The following RNF150 variants were observed in gnomAD, a reference collection of about 807,000 sequenced individuals.
RNF150 encodes the protein ring finger protein 150.
In RNF150, 24 loss-of-function variants were observed where a neutral mutation model predicts 39.3. The ratio of observed to expected loss-of-function variants is 0.61; its 90% CI spans 0.44 to 0.86. The LOEUF (loss-of-function observed/expected upper bound fraction) is 0.86. Ranked by LOEUF, RNF150 falls within the 40% of genes least tolerant of loss-of-function variation. RNF150 has a pLI of 0.00. For missense variants in RNF150, 502 were observed against 587.8 expected, an observed-to-expected ratio of 0.85 and a Z score of 1.51; for synonymous variants, 255 against 227.3, an observed-to-expected ratio of 1.12 and a Z score of -1.10.
chr4:141,134,067 TATAGA>T (rs1726981991), upstream of RNF150, among the ~76,000 whole-genome samples: 1 of 152,212 alleles, frequency 6.6e-6, no homozygotes. Context: ...TTCGTTTTCT[TATAGA>T]ATAGGTGTTT....
chr4:141,128,950 A>C (rs1726824775), intron 1 of RNF150, among the ~76,000 whole-genome samples: 1 of 152,236 alleles, frequency 6.6e-6, no homozygotes, highest in Non-Finnish European at 1.5e-5. Context: ...TTGAATGGGC[A>C]AAATAAAAAA....
chr4:141,132,302 C>A lies in RNF150; in HGVS notation c.484+23G>T. The A allele has an allele frequency of 6.4e-7, 1 of 1,558,482 alleles. No homozygotes were observed. Among genetic ancestry groups the A allele is most frequent in the Non-Finnish European group, 8.7e-7 (1 of 1,150,758 alleles). Reference sequence around the variant, plus strand: ...CCTCCGTCCCCGCCGGCTCCCCTCCCCCGCGCCCGCTGGGCCACTCACCCG... The same window carrying A: ...CCTCCGTCCCCGCCGGCTCCCCTCCACCGCGCCCGCTGGGCCACTCACCCG... On this transcript the variant is annotated intron_variant, in intron 1 of 6. Transcript: ENST00000515673. This position sits in a 1 kb window ranked among gnomAD's most constrained non-coding sequence, Gnocchi z 4.9.
At chr4:140,973,802 G>A (rs1221076966) in intron 1 of RNF150, among the ~76,000 whole-genome samples, 1 of 150,982 alleles carries the variant, frequency 6.6e-6, no homozygotes, top group East Asian at 2.0e-4. Flanking sequence ...GCTTGAACCT[G>A]GGAGGCAGAG....
In RNF150 at chr4:141,113,831, C is replaced by G. The variant is rs190965853; in HGVS notation, c.484+18494G>C. Among the ~76,000 whole-genome samples, 3 of 152,184 alleles carry G rather than the reference C, an allele frequency of 2.0e-5. No homozygotes were observed. The East Asian group carries it at 5.8e-4, about 29-fold the overall frequency. ...CATAACAAACTGTCTCTCAGACCAC[C>G]GTGCAATCAAATTAGAACTCAGGAT... is the stretch of plus-strand genomic sequence containing the variant. On this transcript the variant is annotated intron_variant, in intron 1 of 6. Transcript: ENST00000515673.
intron 1 of RNF150, chr4:141,053,622 T>C: frequency 1.1e-6 from 1 of 902,624 alleles, no homozygotes. Context: ...ATCATGGAAG[T>C]CATTAAACTG....
rs191840954 is a variant in RNF150, at chr4:141,032,795, T to A, written c.485-64922A>T. On this transcript the variant is annotated intron_variant, in intron 1 of 6. Transcript: ENST00000515673. ...AAATTTTTTGGTTTCCCACTGCATA[T>A]AAAATGTATGTTTACACTATACTGA... Among the ~76,000 whole-genome samples the A allele has an allele frequency of 3.1e-3, 474 of 152,280 alleles. 2 individuals are homozygous for A. The highest frequency in any genetic ancestry group is 0.011 in the African/African-American group (452 of 41,576).
chr4:140,889,298 G>A (rs1729680357), intron 6 of RNF150, among the ~76,000 whole-genome samples: 1 of 152,068 alleles, frequency 6.6e-6, no homozygotes. Flanking sequence ...CCTGGTGAAG[G>A]TTTGACACCT....
intron 1 of RNF150, among the ~76,000 whole-genome samples, chr4:141,184,165 A>G (rs976384853): frequency 3.3e-5 from 5 of 152,110 alleles, no homozygotes; most frequent in African/African-American, 1.2e-4. Context: ...CCTCTCCAAC[A>G]TATGTTGTTT....
chr4:141,202,590 T>C (rs769260855), intron 1 of RNF150, among the ~76,000 whole-genome samples: 1 of 152,260 alleles, frequency 6.6e-6, no homozygotes, highest in South Asian at 2.1e-4. Context: ...CATACTCTAA[T>C]GTAAAATAGT....
intron 1 of RNF150, among the ~76,000 whole-genome samples, chr4:141,151,452 AC>A (rs1269044889): frequency 1.1e-3 from 8 of 7,436 alleles, no homozygotes; most frequent in Non-Finnish European, 8.6e-3. Flanking sequence ...ACACACACAC[AC>A]ACACACACAG....
intron 1 of RNF150, among the ~76,000 whole-genome samples, chr4:141,167,548 C>T: frequency 6.6e-6 from 1 of 152,150 alleles, no homozygotes; most frequent in East Asian, 1.9e-4. Context: ...AACTGTACTA[C>T]AAGGCTACAG....
At chr4:141,212,520 T>C (rs527954456) in intron 1 of RNF150, among the ~76,000 whole-genome samples, 4 of 152,190 alleles carry the variant, frequency 2.6e-5, no homozygotes, top group Non-Finnish European at 5.9e-5. Context: ...TTTTTATCTT[T>C]GATTTTTCCC....
At chr4:140,968,438 A>G (rs1349459541) in intron 1 of RNF150, among the ~76,000 whole-genome samples, 1 of 152,020 alleles carries the variant, frequency 6.6e-6, no homozygotes, top group African/African-American at 2.4e-5. Context: ...AAGAAGCTCT[A>G]ATATGATTTG....
Position 140,925,950 on chromosome 4 carries a change from T to C in RNF150, c.987+27A>G, listed in dbSNP as rs761767362. On this transcript the variant is annotated intron_variant, in intron 5 of 6. Transcript: ENST00000515673. ...GGGCAACGCAGAAAGACAGACATTA[T>C]AATGCTGTAGGCTGTGCTGTGCTTA... 6.7e-6 allele frequency: 10 copies of C among 1,488,806 alleles called. No homozygotes were observed. The East Asian group carries it at 1.8e-4, about 27-fold the overall frequency. 92.2% of individuals were successfully genotyped at this position (1,488,806 alleles called of 1,614,324 possible).
chr4:141,200,085 T>A (rs1416509170), intron 1 of RNF150, among the ~76,000 whole-genome samples: 1 of 152,174 alleles, frequency 6.6e-6, no homozygotes, highest in Non-Finnish European at 1.5e-5. Flanking sequence ...TAGTTTGGGC[T>A]ACTGTAACAA....
intron 4 of RNF150, among the ~76,000 whole-genome samples, chr4:140,935,046 A>AATATATATATATTATATATATATAAAT (rs3033124): frequency 1.1e-5 from 1 of 93,688 alleles, no homozygotes; most frequent in Non-Finnish European, 2.0e-5. Context: ...TATATATATA[A>AATATATATATATTATATATATATAAAT]ATATATATAT....
chr4:141,064,991 A>C (rs1016390601), intron 1 of RNF150, among the ~76,000 whole-genome samples: 1 of 152,126 alleles, frequency 6.6e-6, no homozygotes. Flanking sequence ...TCAGCCTCCC[A>C]AGTAGCTGGG....
intron 1 of RNF150, among the ~76,000 whole-genome samples, chr4:141,069,927 T>C (rs1460741722): frequency 6.6e-6 from 1 of 152,176 alleles, no homozygotes; most frequent in Non-Finnish European, 1.5e-5. Context: ...TTTTTTATTG[T>C]GTCTATTTGA....
At chr4:140,998,064 T>C (rs1734448243) in intron 1 of RNF150, among the ~76,000 whole-genome samples, 1 of 152,204 alleles carries the variant, frequency 6.6e-6, no homozygotes, top group African/African-American at 2.4e-5. Flanking sequence ...CAATTTAGGA[T>C]GCCCCAATAA....
Sources: allele counts gnomAD v4.1 joint callset (sites outside exome capture counted in the v4.1 genomes callset), GRCh38; gene constraint gnomAD v4.1.1; non-coding constraint Gnocchi (gnomAD v3.1); transcripts MANE v1.5; gene names NCBI Gene and HGNC (gene_info 2026-07-23, HGNC 2026-07-21).